Variants in STAU1 observed in about 807,000 individuals in gnomAD.
STAU1 encodes the protein double-stranded RNA-binding protein Staufen homolog 1.
STAU1 carries 13 observed loss-of-function variants against 62.9 expected under a neutral mutation model. The ratio of observed to expected loss-of-function variants is 0.21; its 90% CI spans 0.13 to 0.33. The LOEUF is 0.33. Among genes scored for constraint, STAU1 ranks in the 10% least tolerant of loss-of-function variants. STAU1 has a pLI of 1.00. For synonymous variants in STAU1, 269 were observed against 265.1 expected, an observed-to-expected ratio of 1.01 and a Z score of -0.14; for missense variants, 571 against 712.1, an observed-to-expected ratio of 0.80 and a Z score of 2.25.
At chr20:49,214,393 C>T in the STAU1 span, among the ~76,000 whole-genome samples, 3 of 152,046 alleles carry the variant, frequency 2.0e-5, no homozygotes, top group Admixed American at 2.0e-4. Context: ...TGGCATGTGC[C>T]TGTAGTCCCA....
At chr20:49,202,219 C>CAA in the STAU1 span, among the ~76,000 whole-genome samples, 883 of 80,172 alleles carry the variant, frequency 0.011, 18 homozygotes, top group Middle Eastern at 0.02. Context: ...GACTCCATCT[C>CAA]AAAAAAAAAA....
intron 3 of STAU1, among the ~76,000 whole-genome samples, chr20:49,162,804 A>G (rs348265): frequency 0.022 from 3,402 of 151,376 alleles, 133 homozygotes; most frequent in African/African-American, 0.077. Flanking sequence ...TTTATAAAGT[A>G]AAGGAAATGA....
chr20:49,194,448 GA>G, the STAU1 span, among the ~76,000 whole-genome samples: 3 of 80,028 alleles, frequency 3.7e-5, no homozygotes, highest in Admixed American at 1.8e-4. Flanking sequence ...AAAAAAAAAA[GA>G]AAAGAAAAAG....
At chr20:49,141,931 T>G (rs1191836149) in intron 5 of STAU1, among the ~76,000 whole-genome samples, 1 of 152,022 alleles carries the variant, frequency 6.6e-6, no homozygotes, top group Non-Finnish European at 1.5e-5. Context: ...TTACCATTAT[T>G]ATAAATCCAA....
chr20:49,117,231 G>A lies in STAU1; in HGVS notation c.1527C>T (p.Phe509=), dbSNP rs2092350194. ...VQGFQVEYKD[F]PKNNKNEFVS... is the part of the protein sequence containing the mutation. ...CAAATTCGTTCTTGTTGTTTTTGGGGAAGTCTTTGTATTCAACCTAAGGGG... is the reference window on the plus strand; with the variant it reads ...CAAATTCGTTCTTGTTGTTTTTGGGAAAGTCTTTGTATTCAACCTAAGGGG... The change falls in exon 12 of 14, where the codon TTC becomes TTT. Residue 509 remains phenylalanine (F), a synonymous_variant. Coordinates refer to ENST00000371856, the MANE Select transcript of STAU1 (RefSeq NM_017453.4). This position sits in a 1 kb window ranked among gnomAD's most constrained non-coding sequence, Gnocchi z 4.6. 5 of 1,614,164 alleles carry A rather than the reference G, an allele frequency of 3.1e-6. No individual in the cohort carries two copies. The highest frequency in any genetic ancestry group is 4.2e-6 in the Non-Finnish European group (5 of 1,180,012).
chr20:49,119,470 A>G (rs1054938273), intron 9 of STAU1, among the ~76,000 whole-genome samples: 1 of 152,168 alleles, frequency 6.6e-6, no homozygotes, highest in Admixed American at 6.6e-5. Flanking sequence ...TGAATTTTTC[A>G]ACAGGGGATT....
chr20:49,217,329 C>T, the STAU1 span, among the ~76,000 whole-genome samples: 2 of 152,020 alleles, frequency 1.3e-5, no homozygotes, highest in Non-Finnish European at 2.9e-5. Flanking sequence ...AACTTGATGG[C>T]AAAGTACAAA....
rs538669024 is a variant in STAU1, at chr20:49,148,583, G to A, written c.510+2999C>T. 7.9e-5 allele frequency among the ~76,000 whole-genome samples: 12 copies of A among 152,318 alleles called. No individual in the cohort carries two copies. The South Asian group carries it at 1.9e-3, about 24-fold the overall frequency. ...TAAGGCCAGTCTTTAAGCCATTTCT[G>A]ACAGGCACGGTCTCTACTTCCAACT... is the stretch of plus-strand genomic sequence containing the variant. On this transcript the variant is annotated intron_variant, in intron 5 of 13. Coordinates refer to ENST00000371856, the MANE Select transcript of STAU1 (RefSeq NM_017453.4).
intron 1 of STAU1, among the ~76,000 whole-genome samples, chr20:49,177,266 T>C (rs186050150): frequency 9.4e-4 from 141 of 149,978 alleles, no homozygotes; most frequent in African/African-American, 3.3e-3. Context: ...CCAGGTGTGA[T>C]GGCTCATGCT....
chr20:49,132,685 G>A (rs1205052303), intron 6 of STAU1, among the ~76,000 whole-genome samples: 1 of 152,150 alleles, frequency 6.6e-6, no homozygotes, highest in Non-Finnish European at 1.5e-5. Flanking sequence ...CTTGAAGCCA[G>A]GAGGTGGAGG....
At chr20:49,180,214 C>T (rs539489184) in intron 1 of STAU1, among the ~76,000 whole-genome samples, 1 of 152,118 alleles carries the variant, frequency 6.6e-6, no homozygotes, top group African/African-American at 2.4e-5. Flanking sequence ...AGCACCTATC[C>T]TATAAAGTTA....
chr20:49,177,572 G>A (rs1186389260), intron 1 of STAU1, among the ~76,000 whole-genome samples: 1 of 151,952 alleles, frequency 6.6e-6, no homozygotes, highest in East Asian at 1.9e-4. Context: ...TCAGCTACTC[G>A]GGAGGCTGAG....
chr20:49,185,061 TAAG>T (rs1294121241), intron 1 of STAU1, among the ~76,000 whole-genome samples: 2 of 152,146 alleles, frequency 1.3e-5, no homozygotes, highest in Non-Finnish European at 2.9e-5. Context: ...TCACAAAAAT[TAAG>T]GTTTCATTCA....
intron 3 of STAU1, among the ~76,000 whole-genome samples, chr20:49,159,863 C>T (rs191844412): frequency 2.0e-5 from 3 of 152,334 alleles, no homozygotes; most frequent in Admixed American, 2.0e-4. Flanking sequence ...CTCCCAGTCC[C>T]TAGTTGCCTA....
chr20:49,217,780 G>A, the STAU1 span, among the ~76,000 whole-genome samples: 1 of 149,638 alleles, frequency 6.7e-6, no homozygotes, highest in Non-Finnish European at 1.5e-5. Flanking sequence ...CCAGGAGGTG[G>A]AGGCTGCAGT....
At position 49,186,282 on chromosome 20, in the gene STAU1, G is replaced by A. The variant is rs183236273; in HGVS notation, c.-160+1834C>T. Among the ~76,000 whole-genome samples the A allele has an allele frequency of 3.2e-4, 48 of 151,762 alleles. No homozygotes were observed. The East Asian group carries it at 6.3e-3, about 20-fold the overall frequency. On this transcript the variant is annotated intron_variant, in intron 1 of 13. Coordinates refer to ENST00000371856, the MANE Select transcript of STAU1 (RefSeq NM_017453.4). ...AATCTTTTGAACCAGGGTGGCAGAGGTTGAAATGAGCCGAAATCGCGCCAC... is the reference window on the plus strand; with the variant it reads ...AATCTTTTGAACCAGGGTGGCAGAGATTGAAATGAGCCGAAATCGCGCCAC...
the STAU1 span, among the ~76,000 whole-genome samples, chr20:49,197,788 C>T: frequency 6.6e-6 from 1 of 152,058 alleles, no homozygotes; most frequent in Admixed American, 6.6e-5. Flanking sequence ...TCACTGCAGC[C>T]TCAAACACCT....
chr20:49,135,299 A>G (rs2092853552), intron 6 of STAU1, among the ~76,000 whole-genome samples: 1 of 152,224 alleles, frequency 6.6e-6, no homozygotes, highest in South Asian at 2.1e-4. Flanking sequence ...TATGTCTTTT[A>G]AGGCAACATA....
At chr20:49,200,596 G>A in the STAU1 span, among the ~76,000 whole-genome samples, 11 of 150,858 alleles carry the variant, frequency 7.3e-5, no homozygotes, top group Admixed American at 7.3e-4. Flanking sequence ...GCAAGACTCC[G>A]TCTCAAAAAA....
Sources: gnomAD v4.1 joint callset for allele counts (sites outside exome capture counted in the v4.1 genomes callset) on GRCh38, gnomAD v4.1.1 for gene constraint, Gnocchi (gnomAD v3.1) non-coding constraint, MANE v1.5 for transcripts, NCBI Gene and HGNC (gene_info 2026-07-23, HGNC 2026-07-21) for gene names.